CLSTN1: variants seen among roughly 807,000 people sequenced by gnomAD.
CLSTN1 encodes the protein calsyntenin-1.
Under a neutral mutation model 108.3 loss-of-function variants are expected in CLSTN1, and 28 were observed. The ratio of observed to expected loss-of-function variants is 0.26; its 90% CI spans 0.19 to 0.35. CLSTN1 has a LOEUF of 0.35. CLSTN1 is among the 10% of genes least tolerant of loss of function. The pLI is 1.00. For synonymous variants in CLSTN1, 524 were observed against 534.9 expected (o/e 0.98, Z 0.28); for missense variants, 1,157 against 1,302.6 (o/e 0.89, Z 1.72).
intron 1 of CLSTN1, among the ~76,000 whole-genome samples, chr1:9,776,159 G>C (rs1040041924): frequency 2.0e-5 from 3 of 152,008 alleles, no homozygotes; most frequent in Non-Finnish European, 4.4e-5. Flanking sequence ...AGTAGAGACG[G>C]GATTTCACCA....
chr1:9,755,441 G>A (rs951301247), intron 3 of CLSTN1, 132 bp from the exon 4 acceptor site: 18 of 685,818 alleles, frequency 2.6e-5, no homozygotes, highest in South Asian at 4.1e-5. Flanking sequence ...TGGAGGGTCC[G>A]TGGACAAAGC....
Position 9,823,088 on chromosome 1 carries a change from G to C in CLSTN1, c.91+555C>G, listed in dbSNP as rs1250930957. Among the ~76,000 whole-genome samples the C allele has an allele frequency of 6.6e-6, 1 of 152,220 alleles. No individual in the cohort carries two copies. Among genetic ancestry groups the C allele is most frequent in the East Asian group, 1.9e-4 (1 of 5,196 alleles). Reference sequence around the variant, plus strand: ...GGAGGAGGCGGAAAGGGGCGAAGTCGTGGTGTCCGCGGTGCAGCAACACAG... The same window carrying C: ...GGAGGAGGCGGAAAGGGGCGAAGTCCTGGTGTCCGCGGTGCAGCAACACAG... On this transcript the variant is annotated intron_variant, in intron 1 of 18. Transcript: ENST00000377298. This position sits in a 1 kb window ranked among gnomAD's most constrained non-coding sequence, Gnocchi z 6.3.
intron 5 of CLSTN1, 42 bp from the exon 6 acceptor site, chr1:9,749,955 C>A: frequency 1.3e-6 from 2 of 1,573,192 alleles, no homozygotes. Context: ...AAAACCCATG[C>A]TGGTTTTACT....
chr1:9,739,754 TTTTC>T (rs1269263832), intron 10 of CLSTN1, among the ~76,000 whole-genome samples: 3 of 151,920 alleles, frequency 2.0e-5, no homozygotes, highest in East Asian at 1.9e-4. Flanking sequence ...ATACACAGGT[TTTTC>T]TTTTTCTTTT....
intron 18 of CLSTN1, 41 bp downstream of exon 18, chr1:9,731,165 G>C: frequency 1.2e-6 from 2 of 1,612,130 alleles, no homozygotes; most frequent in Non-Finnish European, 1.7e-6. Context: ...GCCCTGGCCT[G>C]TGCTGCCTCT....
At chr1:9,779,389 A>G (rs1653134410) in intron 1 of CLSTN1, among the ~76,000 whole-genome samples, 1 of 152,084 alleles carries the variant, frequency 6.6e-6, no homozygotes, top group African/African-American at 2.4e-5. Flanking sequence ...CCTGGCCAAC[A>G]TAGTGAAACT....
chr1:9,762,835 C>T (rs1190193106), intron 2 of CLSTN1, among the ~76,000 whole-genome samples: 1 of 152,216 alleles, frequency 6.6e-6, no homozygotes, highest in South Asian at 2.1e-4. Flanking sequence ...GGTGCCCGCA[C>T]TCAACGGCTG....
intron 1 of CLSTN1, among the ~76,000 whole-genome samples, chr1:9,783,862 G>A (rs1008201008): frequency 2.6e-5 from 4 of 151,360 alleles, no homozygotes; most frequent in Non-Finnish European, 4.4e-5. Flanking sequence ...GCGTGGTGGC[G>A]GGTGCCTGTA....
At chr1:9,748,260 C>G (rs1341645825) in intron 7 of CLSTN1, among the ~76,000 whole-genome samples, 1 of 152,116 alleles carries the variant, frequency 6.6e-6, no homozygotes, top group East Asian at 1.9e-4. Flanking sequence ...TCCATGACAG[C>G]CATCCATACC....
At chr1:9,755,438 T>G in intron 3 of CLSTN1, 129 bp from the exon 4 acceptor site, 1 of 703,798 alleles carries the variant, frequency 1.4e-6, no homozygotes. Context: ...GTTTGGAGGG[T>G]CCGTGGACAA....
chr1:9,771,991 T>TC (rs1319378879), intron 2 of CLSTN1, among the ~76,000 whole-genome samples: 1 of 151,850 alleles, frequency 6.6e-6, no homozygotes, highest in Non-Finnish European at 1.5e-5. Flanking sequence ...TTTTTTTTTT[T>TC]TCTGAGACAG....
At chr1:9,769,015 G>C (rs1283439280) in intron 2 of CLSTN1, among the ~76,000 whole-genome samples, 2 of 141,458 alleles carry the variant, frequency 1.4e-5, no homozygotes, top group African/African-American at 5.3e-5. Flanking sequence ...AACAGAAGGA[G>C]GGAATGAGGG....
At chr1:9,778,706 A>G (rs528702263) in intron 1 of CLSTN1, among the ~76,000 whole-genome samples, 1 of 152,278 alleles carries the variant, frequency 6.6e-6, no homozygotes, top group South Asian at 2.1e-4. Flanking sequence ...GCTCTGAAAC[A>G]AGAGACTGGC....
At chr1:9,788,496 A>G (rs920303195) in intron 1 of CLSTN1, among the ~76,000 whole-genome samples, 1 of 150,946 alleles carries the variant, frequency 6.6e-6, no homozygotes, top group Non-Finnish European at 1.5e-5. Context: ...TGAACCCAGG[A>G]GGCGGAGGTT....
intron 1 of CLSTN1, among the ~76,000 whole-genome samples, chr1:9,805,296 G>T (rs1156727080): frequency 6.6e-6 from 1 of 152,150 alleles, no homozygotes; most frequent in Non-Finnish European, 1.5e-5. Flanking sequence ...TCCCCTAGTT[G>T]TATCTTGACA....
chr1:9,743,157 A>G (rs1424215077), intron 9 of CLSTN1, among the ~76,000 whole-genome samples: 4 of 152,234 alleles, frequency 2.6e-5, no homozygotes, highest in African/African-American at 9.6e-5. Context: ...ACATCAAAAG[A>G]AAAAATGATC....
Position 9,790,873 on chromosome 1 carries a change from C to T in CLSTN1, c.92-17479G>A, listed in dbSNP as rs1255062219. On this transcript the variant is annotated intron_variant, in intron 1 of 18. Transcript: ENST00000377298. ...ACAGGGCCGGGCGCGGCGGCTCACG[C>T]CTGTAATCCCAGCACTTTGGGAGGC... Among the ~76,000 whole-genome samples, 10 of 151,046 alleles carry T rather than the reference C, an allele frequency of 6.6e-5. 1 individual carries two copies. Among genetic ancestry groups the T allele is most frequent in the East Asian group, 5.9e-4 (3 of 5,046 alleles).
chr1:9,755,077 C>T (rs368737866), intron 4 of CLSTN1, 37 bp downstream of exon 4: 14 of 1,572,572 alleles, frequency 8.9e-6, no homozygotes, highest in Middle Eastern at 1.7e-4. Context: ...CACGTTTACT[C>T]GGTGGGTTAT....
chr1:9,790,121 TTTC>T (rs759574985), intron 1 of CLSTN1, among the ~76,000 whole-genome samples: 9 of 151,508 alleles, frequency 5.9e-5, no homozygotes, highest in Non-Finnish European at 4.4e-5. Context: ...ACTCAAGACT[TTTC>T]TCGCTCTGTA....
Sources: allele counts gnomAD v4.1 joint callset (sites outside exome capture counted in the v4.1 genomes callset), GRCh38; gene constraint gnomAD v4.1.1; non-coding constraint Gnocchi (gnomAD v3.1); transcripts MANE v1.5; gene names NCBI Gene and HGNC (gene_info 2026-07-23, HGNC 2026-07-21).